The following LAMB4 variants were observed in gnomAD, a reference collection of about 807,000 sequenced individuals.
LAMB4 encodes laminin subunit beta 4.
Under a neutral mutation model 199.2 loss-of-function variants are expected in LAMB4, and 196 were observed. That is an observed-to-expected ratio of 0.98 (90% CI 0.88 to 1.11). The LOEUF is 1.11. Among genes scored for constraint, LAMB4 ranks in the 50% least tolerant of loss-of-function variants. The pLI, the probability that LAMB4 is intolerant of heterozygous loss-of-function variation, is 0.00. For synonymous variants in LAMB4, 744 were observed against 770.6 expected, an observed-to-expected ratio of 0.97 and a Z score of 0.57; for missense variants, 2,080 against 2,171.2, an observed-to-expected ratio of 0.96 and a Z score of 0.83.
At chr7:108,095,452 C>A in intron 11 of LAMB4, 115 bp from the exon 12 acceptor site, 1 of 733,662 alleles carries the variant, frequency 1.4e-6, no homozygotes, top group Admixed American at 2.3e-5. Flanking sequence ...AGAAGCCTGC[C>A]CTGCCAGGTT....
At chr7:108,105,500 A>T (rs1320078874) in intron 8 of LAMB4, among the ~76,000 whole-genome samples, 5 of 152,200 alleles carry the variant, frequency 3.3e-5, no homozygotes, top group Non-Finnish European at 7.3e-5. Flanking sequence ...ACCCAATATG[A>T]TCCCTCCCCA....
intron 28 of LAMB4, among the ~76,000 whole-genome samples, chr7:108,044,955 CA>C (rs756256335): frequency 1.3e-3 from 74 of 56,572 alleles, no homozygotes; most frequent in East Asian, 2.8e-3. Flanking sequence ...ATTCTTGTCT[CA>C]AAAAAAAAAA....
At chr7:108,037,040 A>T (rs544292504) in intron 30 of LAMB4, among the ~76,000 whole-genome samples, 1 of 152,224 alleles carries the variant, frequency 6.6e-6, no homozygotes, top group East Asian at 1.9e-4. Context: ...AATACCAAAC[A>T]TAGATAAATA....
intron 26 of LAMB4, 112 bp downstream of exon 26, chr7:108,051,985 C>G: frequency 1.3e-6 from 1 of 754,340 alleles, no homozygotes; most frequent in Non-Finnish European, 2.1e-6. Context: ...TTTGCATGTT[C>G]TAAAGTGCTC....
At chr7:108,083,595 T>C (rs2037042536) in intron 14 of LAMB4, among the ~76,000 whole-genome samples, 1 of 152,148 alleles carries the variant, frequency 6.6e-6, no homozygotes, top group African/African-American at 2.4e-5. Context: ...GAGATGGCAG[T>C]GGAATGGGGC....
chr7:108,053,683 G>A (rs2035894658), intron 25 of LAMB4, among the ~76,000 whole-genome samples: 2 of 152,196 alleles, frequency 1.3e-5, no homozygotes, highest in Admixed American at 6.5e-5. Context: ...ACCTGGGCTG[G>A]GCACTCCTCT....
At position 108,091,734 on chromosome 7, in the gene LAMB4, G is replaced by A. The variant is rs752357527; in HGVS notation, c.1593C>T (p.Val531=). 1.9e-6 allele frequency: 3 copies of A among 1,614,200 alleles called. No homozygotes were observed. The highest frequency in any genetic ancestry group is 2.5e-6 in the Non-Finnish European group (3 of 1,180,034). Residue 531 remains valine, a synonymous_variant, in exon 14 of 34, where the codon GTC becomes GTT. Transcript: ENST00000388781. ...KNGQCECRPH[V]TGRSCSEPAP... ...CTGGTTCAGAGCAGCTACGGCCAGTGACATGTGGGCGGCATTCACACTGCC... is the reference window on the plus strand; with the variant it reads ...CTGGTTCAGAGCAGCTACGGCCAGTAACATGTGGGCGGCATTCACACTGCC...
chr7:108,044,955 C>CAAAAAAAAAAAAAAAAAA (rs756256335), intron 28 of LAMB4, among the ~76,000 whole-genome samples: 5 of 56,558 alleles, frequency 8.8e-5, no homozygotes, highest in Admixed American at 2.0e-4. Flanking sequence ...ATTCTTGTCT[C>CAAAAAAAAAAAAAAAAAA]AAAAAAAAAA....
chr7:108,043,681 G>T, intron 29 of LAMB4, 71 bp downstream of exon 29: 2 of 612,668 alleles, frequency 3.3e-6, no homozygotes, highest in South Asian at 5.4e-5. Flanking sequence ...CTGGGTTCAC[G>T]TATGATGTTT....
chr7:108,020,661 C>A (rs779888850), downstream of LAMB4, among the ~76,000 whole-genome samples: 7 of 152,004 alleles, frequency 4.6e-5, no homozygotes, highest in Non-Finnish European at 1.0e-4. Flanking sequence ...GATGGAACCT[C>A]CTATAGGCAG....
At chr7:108,014,049 A>G in the LAMB4 span, among the ~76,000 whole-genome samples, 1 of 152,224 alleles carries the variant, frequency 6.6e-6, no homozygotes, top group African/African-American at 2.4e-5. Flanking sequence ...ATTAAAAGAT[A>G]GCTGTTTCTT....
At chr7:108,020,703 G>A (rs57177469), downstream of LAMB4, among the ~76,000 whole-genome samples, 2,893 of 152,196 alleles carry the variant, frequency 0.019, 93 homozygotes, top group African/African-American at 0.066. Context: ...AAGTGGAAAT[G>A]CATGATACTG....
At chr7:108,039,861 A>C (rs1253501339) in intron 29 of LAMB4, among the ~76,000 whole-genome samples, 1 of 152,210 alleles carries the variant, frequency 6.6e-6, no homozygotes, top group East Asian at 1.9e-4. Flanking sequence ...GCACAAGACA[A>C]GGATGCCCTC....
At chr7:108,125,065 A>C (rs1285563969) in intron 1 of LAMB4, among the ~76,000 whole-genome samples, 1 of 152,220 alleles carries the variant, frequency 6.6e-6, no homozygotes, top group African/African-American at 2.4e-5. Flanking sequence ...CTCACTGAGA[A>C]ACAGTCCTCC....
intron 32 of LAMB4, among the ~76,000 whole-genome samples, chr7:108,029,704 C>A (rs1384063993): frequency 6.6e-6 from 1 of 152,088 alleles, no homozygotes; most frequent in East Asian, 1.9e-4. Context: ...GTATGGAGAT[C>A]CCCCTTGAAT....
rs1275579680 is a variant in LAMB4, at chr7:108,066,474, G to A, written c.2573C>T (p.Pro858Leu). The A allele has an allele frequency of 1.2e-5, 19 of 1,614,060 alleles. No individual in the cohort carries two copies. The highest frequency in any genetic ancestry group is 1.6e-5 in the Non-Finnish European group (19 of 1,180,028). ...ATTACAAGGGCAAGGGTGGCAGCTG[G>A]GAAATCCAAAGTAGCCTGCCAGGCA... Reference protein sequence around the residue: ...DRCLAGYFGFPSCHPCPCNRF... With the variant: ...DRCLAGYFGFLSCHPCPCNRF... The change falls in exon 20 of 34, where the codon CCC becomes CTC. Residue 858 changes from proline to leucine, a missense_variant. Physicochemically the swap from Pro to Leu is moderately conservative, Grantham distance 98. Transcript: ENST00000388781.
At chr7:108,127,175 GTTTTTTTTTTTGTGTTT>G (rs1563118202) in intron 1 of LAMB4, among the ~76,000 whole-genome samples, 2 of 138,174 alleles carry the variant, frequency 1.4e-5, no homozygotes, top group Non-Finnish European at 1.6e-5. Flanking sequence ...AATCACCAGG[GTTTTTTTTTTTGTGTTT>G]TTTTTTTTTT....
intron 21 of LAMB4, among the ~76,000 whole-genome samples, chr7:108,064,941 T>A (rs912982621): frequency 3.3e-5 from 5 of 150,906 alleles, no homozygotes; most frequent in African/African-American, 1.2e-4. Flanking sequence ...CTCTGTTGCA[T>A]AGGCCCCAGG....
chr7:108,055,845 T>G lies in LAMB4; in HGVS notation c.3542A>C (p.Gln1181Pro), dbSNP rs756946592. 1.2e-6 allele frequency: 2 copies of G among 1,614,052 alleles called. No homozygotes were observed. Among genetic ancestry groups the G allele is most frequent in the East Asian group, 2.2e-5 (1 of 44,892 alleles). Residue 1181 changes from glutamine (Q) to proline (P), a missense_variant, in exon 25 of 34, where the codon CAG (glutamine) becomes CCG (proline). Gln to Pro is a moderately conservative substitution (Grantham distance 76). Coordinates refer to ENST00000388781, the MANE Select transcript of LAMB4 (RefSeq NM_007356.3). ...TCLQCHLCFD[Q>P]WDHTISSLSK... is the part of the protein sequence containing the mutation. ...GAGGGAAGAAATGGTGTGGTCCCAC[T>G]GATCAAAGCACAAGTGACATTGAAG...
Sources: allele counts gnomAD v4.1 joint callset (sites outside exome capture counted in the v4.1 genomes callset), GRCh38; gene constraint gnomAD v4.1.1; transcripts MANE v1.5; gene names NCBI Gene and HGNC (gene_info 2026-07-23, HGNC 2026-07-21).